Variants in NCOA1 observed in about 807,000 individuals in gnomAD.
NCOA1 encodes nuclear receptor coactivator 1.
NCOA1 carries 35 observed loss-of-function variants against 150.9 expected under a neutral mutation model. The ratio of observed to expected loss-of-function variants is 0.23; its 90% CI spans 0.18 to 0.31. NCOA1 has a LOEUF of 0.31. Among genes scored for constraint, NCOA1 ranks in the 10% least tolerant of loss-of-function variants. The pLI is 1.00. For synonymous variants in NCOA1, 590 were observed against 630.0 expected (o/e 0.94, Z 0.95); for missense variants, 1,491 against 1,749.3 (o/e 0.85, Z 2.63).
At chr2:24,570,658 TAA>T (rs1393782933) in intron 2 of NCOA1, among the ~76,000 whole-genome samples, 1 of 152,184 alleles carries the variant, frequency 6.6e-6, no homozygotes, top group African/African-American at 2.4e-5. Flanking sequence ...AGCTTTCTCT[TAA>T]TGAAAGTTCA....
rs748979222 is a variant in NCOA1 at position 24,741,896 on chromosome 2, G to A, written c.3416G>A (p.Ser1139Asn). 9 of 1,614,106 alleles carry A rather than the reference G, an allele frequency of 5.6e-6. No individual in the cohort carries two copies. The African/African-American group carries it at 9.3e-5, about 17-fold the overall frequency. ...QQRAMLMRQQ[S>N]FGNNLPPSSG... ...AGAGCCATGCTTATGAGGCAGCAAA[G>A]CTTTGGGAACAACCTCCCTCCCTCA... Residue 1139 changes from serine (S) to asparagine (N), a missense_variant, in exon 19 of 23, where the codon AGC (serine) becomes AAC (asparagine). By Grantham distance (46) the Ser-to-Asn change is conservative. This residue lies in a region of NCOA1 where 485 missense variants were observed against 522.8 expected (regional missense o/e 0.93). Coordinates refer to ENST00000348332, the MANE Select transcript of NCOA1 (RefSeq NM_003743.5).
chr2:24,649,243 A>G (rs1395843017), intron 4 of NCOA1, among the ~76,000 whole-genome samples: 1 of 152,188 alleles, frequency 6.6e-6, no homozygotes, highest in Non-Finnish European at 1.5e-5. Context: ...TGAAATTTTT[A>G]TCACTCAGTT....
At chr2:24,709,664 A>G (rs1054560255) in intron 13 of NCOA1, among the ~76,000 whole-genome samples, 4 of 152,184 alleles carry the variant, frequency 2.6e-5, no homozygotes, top group Admixed American at 1.3e-4. Context: ...ATATAGTTCA[A>G]TTTGTCAATC....
chr2:24,687,021 G>A (rs572899137), intron 8 of NCOA1, among the ~76,000 whole-genome samples: 1 of 151,996 alleles, frequency 6.6e-6, no homozygotes, highest in African/African-American at 2.4e-5. Flanking sequence ...AAACTTCAAG[G>A]AAGCGCCTTT....
intron 7 of NCOA1, among the ~76,000 whole-genome samples, chr2:24,677,252 G>A (rs2148528094): frequency 6.6e-6 from 1 of 152,236 alleles, no homozygotes; most frequent in South Asian, 2.1e-4. Context: ...GCTGACACAG[G>A]AGAATCTCTT....
chr2:24,578,080 A>T (rs183077299), intron 2 of NCOA1, among the ~76,000 whole-genome samples: 1 of 152,204 alleles, frequency 6.6e-6, no homozygotes, highest in African/African-American at 2.4e-5. Context: ...GCTACTGGCA[A>T]ATTTTTTTGG....
rs80189842 is a variant in NCOA1, at chr2:24,734,647, C to A, written c.3202-4785C>A. 2.0e-3 allele frequency among the ~76,000 whole-genome samples: 310 copies of A among 151,768 alleles called. 3 individuals carry two copies. In the East Asian group the frequency reaches 0.031, roughly 15 times the overall value. ...CTGTCTCTACCAAAAATAAAAAAAA[C>A]CAAAAAACAAAAAGCCAGGTGTGGT... On this transcript the variant is annotated intron_variant, in intron 17 of 22. Transcript: ENST00000348332.
intron 3 of NCOA1, among the ~76,000 whole-genome samples, chr2:24,623,405 G>A (rs1400481464): frequency 2.6e-5 from 4 of 152,106 alleles, no homozygotes; most frequent in Admixed American, 2.6e-4. Context: ...TTTTATCAGG[G>A]AATTTATCTT....
intron 19 of NCOA1, among the ~76,000 whole-genome samples, chr2:24,748,093 C>G (rs1208351785): frequency 6.7e-6 from 1 of 149,510 alleles, no homozygotes; most frequent in Non-Finnish European, 1.5e-5. Context: ...GCAACAAGAA[C>G]AAAACTCCGC....
chr2:24,621,847 C>G (rs1446025492), intron 3 of NCOA1, among the ~76,000 whole-genome samples: 2 of 152,188 alleles, frequency 1.3e-5, no homozygotes, highest in African/African-American at 4.8e-5. Flanking sequence ...TACCTAATCT[C>G]TGTCTTTCTG....
chr2:24,590,379 A>G (rs964079111), intron 3 of NCOA1, among the ~76,000 whole-genome samples: 11 of 152,196 alleles, frequency 7.2e-5, no homozygotes, highest in African/African-American at 2.7e-4. Context: ...GACTCTTACA[A>G]GATTATGCTT....
intron 3 of NCOA1, among the ~76,000 whole-genome samples, chr2:24,642,556 T>G (rs1300454667): frequency 4.6e-5 from 7 of 152,144 alleles, no homozygotes; most frequent in African/African-American, 1.7e-4. Flanking sequence ...GAGTATTGAT[T>G]TATCTTCTAG....
chr2:24,571,642 C>G lies in NCOA1; in HGVS notation c.-260+7212C>G, dbSNP rs993309669. On this transcript the variant is annotated intron_variant, in intron 2 of 22. Coordinates refer to ENST00000348332, the MANE Select transcript of NCOA1 (RefSeq NM_003743.5). Reference sequence around the variant, plus strand: ...TTTTAATCCCTCTACTCCAGTCTTTCTTTTGTTTCTCTTAGTGCGCTGGCC... The same window carrying G: ...TTTTAATCCCTCTACTCCAGTCTTTGTTTTGTTTCTCTTAGTGCGCTGGCC... Among the ~76,000 whole-genome samples, 5 of 152,138 alleles carry G rather than the reference C, an allele frequency of 3.3e-5. No homozygotes were observed. The East Asian group carries it at 7.7e-4, about 23-fold the overall frequency.
intron 7 of NCOA1, among the ~76,000 whole-genome samples, chr2:24,681,659 T>G (rs13008609): frequency 1 from 151,974 of 152,170 alleles, 75,889 homozygotes; most frequent in Middle Eastern, 1. Context: ...GAAAAAAAAT[T>G]TGTTTACTTT....
At chr2:24,719,445 G>A (rs1429383833) in intron 14 of NCOA1, among the ~76,000 whole-genome samples, 1 of 146,458 alleles carries the variant, frequency 6.8e-6, no homozygotes, top group Non-Finnish European at 1.6e-5. Context: ...TTTATTGTAT[G>A]TAAATTATAC....
Position 24,770,529 on chromosome 2 carries a change from T to A in NCOA1, c.*2138T>A. 4.6e-6 allele frequency: 1 copy of A among 218,624 alleles called. No individual in the cohort carries two copies. Among genetic ancestry groups the A allele is most frequent in the Non-Finnish European group, 9.2e-6 (1 of 108,578 alleles). 13.5% of individuals were successfully genotyped at this position (218,624 alleles called of 1,614,324 possible). The stretch of plus-strand genomic sequence containing the variant: ...ATAAAATTGCTTGCTTCTATGTAAT[T>A]CCTGTCATTCCACAGGAAATTCACT... On this transcript the variant is annotated 3_prime_UTR_variant, in exon 23 of 23. Coordinates refer to ENST00000348332, the MANE Select transcript of NCOA1 (RefSeq NM_003743.5).
intron 3 of NCOA1, among the ~76,000 whole-genome samples, chr2:24,627,478 G>A (rs1247400246): frequency 1.3e-5 from 2 of 152,190 alleles, no homozygotes; most frequent in Non-Finnish European, 2.9e-5. Context: ...TTGTCAGTTA[G>A]CAGTGTGGTA....
intron 7 of NCOA1, among the ~76,000 whole-genome samples, chr2:24,680,623 A>C (rs1345657231): frequency 1.3e-5 from 2 of 152,190 alleles, no homozygotes; most frequent in Non-Finnish European, 2.9e-5. Flanking sequence ...CCTTTCAATT[A>C]GATGGGAAGA....
At chr2:24,663,045 T>C (rs2148500406) in intron 5 of NCOA1, among the ~76,000 whole-genome samples, 1 of 151,866 alleles carries the variant, frequency 6.6e-6, no homozygotes, top group Non-Finnish European at 1.5e-5. Flanking sequence ...TCCTCCTGCC[T>C]CTGTCTCCCA....
Sources: gnomAD v4.1 joint callset for allele counts (sites outside exome capture counted in the v4.1 genomes callset) on GRCh38, gnomAD v4.1.1 for gene constraint, gnomAD v4.1.1 regional missense constraint, MANE v1.5 for transcripts, NCBI Gene and HGNC (gene_info 2026-07-23, HGNC 2026-07-21) for gene names.